Variants in ANO7 observed in about 807,000 individuals in gnomAD.
ANO7 encodes the protein anoctamin-7.
ANO7 carries 114 observed loss-of-function variants against 115.8 expected under a neutral mutation model. That is an observed-to-expected ratio of 0.98 (90% CI 0.85 to 1.15). ANO7 has a LOEUF of 1.15. Among genes scored for constraint, ANO7 ranks in the 50% most tolerant of loss-of-function variants. The pLI is 0.00. For missense variants in ANO7, 1,302 were observed against 1,201.2 expected (o/e 1.08, Z -1.24); for synonymous variants, 550 against 498.2 (o/e 1.10, Z -1.38).
the ANO7 span, among the ~76,000 whole-genome samples, chr2:241,237,284 C>T: frequency 1.4e-4 from 22 of 152,256 alleles, no homozygotes; most frequent in Non-Finnish European, 2.9e-4. Context: ...TGTGCCAGCT[C>T]CTTATGCCAG....
At chr2:241,223,592 C>T (rs994045577) in intron 22 of ANO7, 70 bp from the exon 23 acceptor site, 27 of 1,575,860 alleles carry the variant, frequency 1.7e-5, no homozygotes, top group African/African-American at 9.5e-5. Context: ...GCCGGAGCCC[C>T]GGCCTGCCTG....
At chr2:241,194,259 G>C (rs906764679) in intron 3 of ANO7, among the ~76,000 whole-genome samples, 1 of 149,050 alleles carries the variant, frequency 6.7e-6, no homozygotes, top group Non-Finnish European at 1.5e-5. Context: ...GCATTACTTG[G>C]AAAATTTCAC....
intron 4 of ANO7, among the ~76,000 whole-genome samples, chr2:241,198,789 C>T (rs1465685614): frequency 6.6e-6 from 1 of 152,228 alleles, no homozygotes; most frequent in Non-Finnish European, 1.5e-5. Flanking sequence ...CCACCCCGGG[C>T]TCCAGGAGCA....
chr2:241,207,716 G>A (rs376724108), intron 11 of ANO7, 46 bp downstream of exon 11: 7 of 1,562,034 alleles, frequency 4.5e-6, no homozygotes, highest in Non-Finnish European at 6.2e-6. Context: ...AGTCGGGGAT[G>A]AGGAGGGCAG....
intron 1 of ANO7, among the ~76,000 whole-genome samples, chr2:241,189,359 C>G (rs1430778407): frequency 6.6e-6 from 1 of 152,202 alleles, no homozygotes; most frequent in African/African-American, 2.4e-5. Flanking sequence ...TGGTCACACC[C>G]TCCGGTCATC....
chr2:241,198,779 C>G (rs1243989551), intron 4 of ANO7, among the ~76,000 whole-genome samples: 1 of 152,252 alleles, frequency 6.6e-6, no homozygotes, highest in African/African-American at 2.4e-5. Flanking sequence ...CTGTCTCAAC[C>G]CACCCCGGGC....
downstream of ANO7, among the ~76,000 whole-genome samples, chr2:241,226,758 G>A (rs1181180811): frequency 3.3e-5 from 5 of 152,248 alleles, no homozygotes; most frequent in Middle Eastern, 0.01. Flanking sequence ...TGCCATACCC[G>A]TCTTCCCAGG....
chr2:241,201,752 G>A (rs1159315080), intron 7 of ANO7, among the ~76,000 whole-genome samples: 4 of 152,334 alleles, frequency 2.6e-5, no homozygotes, highest in Non-Finnish European at 4.4e-5. Context: ...TGTTCCTGAG[G>A]CCTACCCAAG....
intron 1 of ANO7, among the ~76,000 whole-genome samples, chr2:241,189,597 C>G (rs1465335660): frequency 6.6e-6 from 1 of 152,110 alleles, no homozygotes. Flanking sequence ...CCTATGGGTC[C>G]TGGCACTGGG....
chr2:241,201,700 T>G (rs1223960341), intron 7 of ANO7, among the ~76,000 whole-genome samples: 1 of 151,930 alleles, frequency 6.6e-6, no homozygotes, highest in East Asian at 1.9e-4. Flanking sequence ...GGAGGAAGGG[T>G]GGCCCCAGGC....
chr2:241,229,575 G>A (rs149764127), downstream of ANO7: 1 of 1,567,646 alleles, frequency 6.4e-7, no homozygotes, highest in Non-Finnish European at 8.8e-7. Context: ...TCAGCAGGCT[G>A]GAGAGGGTTC....
chr2:241,234,105 T>A, the ANO7 span: 1 of 874,654 alleles, frequency 1.1e-6, no homozygotes, highest in Non-Finnish European at 1.8e-6. Flanking sequence ...GCCATCTCTC[T>A]GGTCCGACCT....
chr2:241,216,659 T>C (rs575936640), intron 19 of ANO7, among the ~76,000 whole-genome samples: 2 of 152,336 alleles, frequency 1.3e-5, no homozygotes, highest in East Asian at 3.9e-4. Context: ...CCCACGCTAT[T>C]TGCAGACCTA....
At position 241,188,993 on chromosome 2, in the gene ANO7, G is replaced by C. The variant is rs2068122756; in HGVS notation, c.-8+227G>C. Among the ~76,000 whole-genome samples the C allele has an allele frequency of 6.6e-6, 1 of 152,220 alleles. No individual in the cohort carries two copies. Among genetic ancestry groups the C allele is most frequent in the South Asian group, 2.1e-4 (1 of 4,836 alleles). ...CCCAGCTGGGGTTGGCTTCCTGCCT[G>C]CCCAGGGGCTCCCCCATGGAGCAGG... On this transcript the variant is annotated intron_variant, in intron 1 of 24. Coordinates refer to ENST00000674324, the MANE Select transcript of ANO7 (RefSeq NM_001370694.2). This position sits in a 1 kb window ranked among gnomAD's most constrained non-coding sequence, Gnocchi z 4.3.
At position 241,223,660 on chromosome 2, in the gene ANO7, AG is replaced by A. The variant is rs574392552; in HGVS notation, c.2413-1del. 495 of 1,612,114 alleles carry A rather than the reference AG, an allele frequency of 3.1e-4. 2 individuals carry two copies. The African/African-American group carries it at 5.9e-3, about 19-fold the overall frequency. Reference sequence around the variant, plus strand: ...GGCGTGAGTGCCTTCCTCTGCTCCCAGCATGTGGTTTTCTCCGTTGGCCGCC... The same window carrying A: ...GGCGTGAGTGCCTTCCTCTGCTCCCACATGTGGTTTTCTCCGTTGGCCGCC... On this transcript the variant is annotated splice_acceptor_variant, in intron 22 of 24. Transcript: ENST00000674324. LOFTEE classifies it high-confidence loss of function.
At chr2:241,209,871 A>G (rs368176893) in intron 13 of ANO7, among the ~76,000 whole-genome samples, 2 of 151,922 alleles carry the variant, frequency 1.3e-5, no homozygotes, top group African/African-American at 4.8e-5. Context: ...GGCATGGGGC[A>G]TTTTTCAAGC....
At chr2:241,224,011 C>T in intron 24 of ANO7, 56 bp downstream of exon 24, 1 of 1,613,256 alleles carries the variant, frequency 6.2e-7, no homozygotes. Flanking sequence ...GTCACAGGGC[C>T]CTGCCCAGCC....
Position 241,224,144 on chromosome 2 carries a change from G to A in ANO7, c.2631G>A (p.Leu877=), listed in dbSNP as rs746364654. The change falls in exon 25 of 25, where the codon CTG becomes CTA. Residue 877 remains leucine, a synonymous_variant. Coordinates refer to ENST00000674324, the MANE Select transcript of ANO7 (RefSeq NM_001370694.2). ...TPFTVPKASQ[L]QQ is the part of the protein sequence containing the mutation. ...TCACGGTTCCCAAGGCCAGCCAGCT[G>A]CAGCAGTGACGCCTGGAAGGACATC... 4 of 1,599,732 alleles carry A rather than the reference G, an allele frequency of 2.5e-6. No individual in the cohort carries two copies. The South Asian group carries it at 3.3e-5, about 13-fold the overall frequency.
At chr2:241,207,946 G>T (rs1295447422) in intron 11 of ANO7, among the ~76,000 whole-genome samples, 1 of 152,168 alleles carries the variant, frequency 6.6e-6, no homozygotes, top group African/African-American at 2.4e-5. Flanking sequence ...CACTCTGGGG[G>T]CACCTGGCCC....
Sources: allele counts gnomAD v4.1 joint callset (sites outside exome capture counted in the v4.1 genomes callset), GRCh38; gene constraint gnomAD v4.1.1; non-coding constraint Gnocchi (gnomAD v3.1); transcripts MANE v1.5; gene names NCBI Gene and HGNC (gene_info 2026-07-23, HGNC 2026-07-21).